Variants in UFSP2 observed in about 807,000 individuals in gnomAD.
UFSP2 encodes ufm1-specific protease 2.
Under a neutral mutation model 60.2 loss-of-function variants are expected in UFSP2, and 43 were observed. The ratio of observed to expected loss-of-function variants is 0.71; its 90% CI spans 0.56 to 0.92. The LOEUF (loss-of-function observed/expected upper bound fraction) is 0.92, where lower values mean the gene tolerates loss of function less well. UFSP2 is among the 40% of genes least tolerant of loss of function. The pLI, the probability that UFSP2 is intolerant of heterozygous loss-of-function variation, is 0.00. For missense variants in UFSP2, 520 were observed against 575.0 expected, an observed-to-expected ratio of 0.90 and a Z score of 0.98; for synonymous variants, 183 against 195.1, an observed-to-expected ratio of 0.94 and a Z score of 0.52.
At chr4:185,420,035 A>G (rs974759090) in intron 2 of UFSP2, among the ~76,000 whole-genome samples, 1 of 152,240 alleles carries the variant, frequency 6.6e-6, no homozygotes, top group Admixed American at 6.5e-5. Context: ...TCAGTAATCT[A>G]TAAGGATTCC....
chr4:185,402,111 T>A (rs2126875764), intron 11 of UFSP2, among the ~76,000 whole-genome samples: 1 of 151,670 alleles, frequency 6.6e-6, no homozygotes, highest in Admixed American at 6.6e-5. Flanking sequence ...ATACCATTTT[T>A]TTTTTCTCGA....
In UFSP2 at chr4:185,418,656, C is replaced by T; in HGVS notation, c.197G>A (p.Ser66Asn). 3 of 1,613,998 alleles carry T rather than the reference C, an allele frequency of 1.9e-6. No individual in the cohort carries two copies. Among genetic ancestry groups the T allele is most frequent in the Non-Finnish European group, 2.5e-6 (3 of 1,179,990 alleles). Residue 66 changes from serine to asparagine, a missense_variant, in exon 3 of 12, where the codon AGT becomes AAT. Coordinates refer to ENST00000264689, the MANE Select transcript of UFSP2 (RefSeq NM_018359.5). ...TTCTCCAGGAATGGTGTTTATGTCA[C>T]TGCTAGGCCATATATACACTGAACT... is the stretch of plus-strand genomic sequence containing the variant. ...CHSSVYIWPS[S>N]DINTIPGELT...
At chr4:185,412,498 C>T (rs1465378192) in intron 7 of UFSP2, among the ~76,000 whole-genome samples, 1 of 152,024 alleles carries the variant, frequency 6.6e-6, no homozygotes, top group African/African-American at 2.4e-5. Flanking sequence ...TAATAAATGC[C>T]ACCATACGAT....
intron 11 of UFSP2, among the ~76,000 whole-genome samples, chr4:185,402,952 AG>A (rs1173141662): frequency 6.6e-6 from 1 of 152,208 alleles, no homozygotes; most frequent in Non-Finnish European, 1.5e-5. Context: ...TTCATATGTG[AG>A]AATTAGTTGC....
At position 185,418,745 on chromosome 4, in the gene UFSP2, T is replaced by C. The variant is rs763858649; in HGVS notation, c.108A>G (p.Lys36=). 7 of 1,592,914 alleles carry C rather than the reference T, an allele frequency of 4.4e-6. No homozygotes were observed. The highest frequency in any genetic ancestry group is 6.0e-6 in the Non-Finnish European group (7 of 1,174,778). The change falls in exon 3 of 12, where the codon AAA becomes AAG. Residue 36 remains lysine, a synonymous_variant. Transcript: ENST00000264689. ...TAGTTGACAGGTCACTCAACACATG[T>C]TTCAGTGCCTTCTTGAGAAAAATTT... ...PNEIFLKKAL[K]HVLSDLSTKL...
chr4:185,414,962 T>G (rs1213507485), intron 6 of UFSP2, among the ~76,000 whole-genome samples, 193 bp downstream of exon 6: 1 of 152,202 alleles, frequency 6.6e-6, no homozygotes. Flanking sequence ...AGGTTCAACA[T>G]AACATTTTGT....
chr4:185,407,282 G>A (rs1432130927), intron 9 of UFSP2, among the ~76,000 whole-genome samples: 1 of 149,076 alleles, frequency 6.7e-6, no homozygotes, highest in Non-Finnish European at 1.5e-5. Flanking sequence ...TCAAACTCCT[G>A]ACCTCAGGGG....
rs1474472445 is a variant in UFSP2, at chr4:185,415,164, G to A, written c.675C>T (p.Ala225=). Residue 225 remains alanine (A), a synonymous_variant, in exon 6 of 12, where the codon GCC becomes GCT. Transcript: ENST00000264689. The stretch of plus-strand genomic sequence containing the variant: ...GATGAACTGGTTTTACCTTCCTATA[G>A]GCCTGCAGCTGGCCATCTGGTATTC... The part of the protein sequence containing the change: ...PSGIPDGQLQ[A]YRKELHDLFN... 3.1e-6 allele frequency: 5 copies of A among 1,596,730 alleles called. No individual in the cohort carries two copies. The South Asian group carries it at 5.7e-5, about 18-fold the overall frequency.
At chr4:185,404,053 GAC>G (rs1390001133) in intron 10 of UFSP2, among the ~76,000 whole-genome samples, 1 of 143,808 alleles carries the variant, frequency 7.0e-6, no homozygotes, top group African/African-American at 2.5e-5. Flanking sequence ...CACTATAAAA[GAC>G]ACAATGTCAG....
chr4:185,409,847 G>A (rs890969669), intron 7 of UFSP2, among the ~76,000 whole-genome samples: 1 of 152,212 alleles, frequency 6.6e-6, no homozygotes, highest in Non-Finnish European at 1.5e-5. Context: ...TAATGTGACT[G>A]AGGAGGCAGA....
Position 185,407,974 on chromosome 4 carries a change from G to A in UFSP2, c.1083C>T (p.Asn361=), listed in dbSNP as rs1326152172. 3 of 1,613,976 alleles carry A rather than the reference G, an allele frequency of 1.9e-6. No individual in the cohort carries two copies. Among genetic ancestry groups the A allele is most frequent in the Non-Finnish European group, 2.5e-6 (3 of 1,180,018 alleles). ...TTTTTGACGTTATACCGATCAATTGGTTTAGTACCAGCTGCACCTCAATAG... is the reference window on the plus strand; with the variant it reads ...TTTTTGACGTTATACCGATCAATTGATTTAGTACCAGCTGCACCTCAATAG... The part of the protein sequence containing the change: ...IGSIEVQLVL[N]QLIGITSKIL... The change falls in exon 9 of 12, where the codon AAC becomes AAT. Residue 361 remains asparagine, a synonymous_variant. Transcript: ENST00000264689.
At chr4:185,406,023 A>G in intron 9 of UFSP2, 167 bp from the exon 10 acceptor site, 1 of 1,422,474 alleles carries the variant, frequency 7.0e-7, no homozygotes, top group South Asian at 1.3e-5. Flanking sequence ...TAAACTGTGC[A>G]ATTTAAAGCA....
chr4:185,399,649 A>G lies in UFSP2; in HGVS notation c.*743T>C. The stretch of plus-strand genomic sequence containing the variant: ...TCCAGACTGTGCCAAGTTTCTTACA[A>G]CAATTAAATGTATGCAGACAATAAA... On this transcript the variant is annotated 3_prime_UTR_variant, in exon 12 of 12. Coordinates refer to ENST00000264689, the MANE Select transcript of UFSP2 (RefSeq NM_018359.5). The G allele has an allele frequency of 6.2e-7, 1 of 1,614,208 alleles. No individual in the cohort carries two copies. Among genetic ancestry groups the G allele is most frequent in the African/African-American group, 1.3e-5 (1 of 75,060 alleles).
intron 10 of UFSP2, 88 bp from the exon 11 acceptor site, chr4:185,403,706 CGT>C (rs1191364972): frequency 1.2e-5 from 18 of 1,496,178 alleles, no homozygotes; most frequent in Non-Finnish European, 1.6e-5. Flanking sequence ...TACGGCCGGG[CGT>C]GGTGGCTCAC....
chr4:185,415,047 TTTAAG>T (rs2095535924), intron 6 of UFSP2, 103 bp downstream of exon 6: 4 of 987,252 alleles, frequency 4.1e-6, no homozygotes, highest in East Asian at 2.9e-5. Flanking sequence ...ATTCCACACT[TTTAAG>T]TTAAATCACA....
At chr4:185,404,036 T>C (rs1580049896) in intron 10 of UFSP2, among the ~76,000 whole-genome samples, 2 of 150,034 alleles carry the variant, frequency 1.3e-5, no homozygotes, top group Admixed American at 6.6e-5. Flanking sequence ...TAAAATGGAC[T>C]ACCCTACACT....
intron 11 of UFSP2, among the ~76,000 whole-genome samples, chr4:185,403,237 A>G (rs373131183): frequency 6.6e-6 from 1 of 152,226 alleles, no homozygotes; most frequent in Non-Finnish European, 1.5e-5. Context: ...CCAAAGGAAT[A>G]TATTTATGAG....
Position 185,400,411 on chromosome 4 carries a change from T to C in UFSP2, c.1391A>G (p.Gln464Arg). The change falls in exon 12 of 12, where the codon CAG (glutamine) becomes CGG (arginine). Residue 464 changes from glutamine (Q) to arginine (R), a missense_variant. Gln to Arg is a conservative substitution (Grantham distance 43, BLOSUM62 1). Transcript: ENST00000264689. ...GATATTTTAAATCATATTTGGTCGCTGAGGAAGACATAAGTTATAGTATGC... is the reference window on the plus strand; with the variant it reads ...GATATTTTAAATCATATTTGGTCGCCGAGGAAGACATAAGTTATAGTATGC... ...KDAYYNLCLP[Q>R]RPNMI 1 of 1,613,600 alleles carries C rather than the reference T, an allele frequency of 6.2e-7. No homozygotes were observed. Among genetic ancestry groups the C allele is most frequent in the East Asian group, 2.2e-5 (1 of 44,856 alleles).
intron 10 of UFSP2, among the ~76,000 whole-genome samples, chr4:185,403,841 G>C (rs1228792437): frequency 6.6e-6 from 1 of 151,612 alleles, no homozygotes; most frequent in Non-Finnish European, 1.5e-5. Flanking sequence ...GCTGGGCTTG[G>C]TGGCAGGCGC....
Sources: gnomAD v4.1 joint callset for allele counts (sites outside exome capture counted in the v4.1 genomes callset) on GRCh38, gnomAD v4.1.1 for gene constraint, MANE v1.5 for transcripts, NCBI Gene and HGNC (gene_info 2026-07-23, HGNC 2026-07-21) for gene names.